The following GGNBP2 variants were observed in gnomAD, a reference collection of about 807,000 sequenced individuals.
GGNBP2 encodes gametogenetin-binding protein 2.
GGNBP2 carries 10 observed loss-of-function variants against 85.9 expected under a neutral mutation model. The ratio of observed to expected loss-of-function variants is 0.12; its 90% CI spans 0.07 to 0.20. The LOEUF is 0.20. Ranked by LOEUF, GGNBP2 falls within the 10% of genes least tolerant of loss-of-function variation. GGNBP2 has a pLI of 1.00. For missense variants in GGNBP2, 595 were observed against 857.8 expected, an observed-to-expected ratio of 0.69 and a Z score of 3.83; for synonymous variants, 287 against 285.7, an observed-to-expected ratio of 1.00 and a Z score of -0.05.
intron 6 of GGNBP2, chr17:36,577,552 T>G (rs147581167): frequency 5.2e-6 from 1 of 190,828 alleles, no homozygotes; most frequent in East Asian, 1.4e-4. Context: ...AAGGTCTCCT[T>G]GCTGAAGAGA....
chr17:36,554,308 CAA>C lies in GGNBP2; in HGVS notation c.94-494_94-493del, dbSNP rs34134532. Among the ~76,000 whole-genome samples the C allele has an allele frequency of 9.8e-3, 580 of 59,326 alleles. 1 individual carries two copies. The highest frequency in any genetic ancestry group is 0.013 in the African/African-American group (179 of 13,496). 38.9% of individuals were successfully genotyped at this position (59,326 alleles called of 152,430 possible). ...TAGGTGACGGAGCAAGACTCCGTCT[CAA>C]AAAAAAAAAAAAAAAAATGGAAACT... On this transcript the variant is annotated intron_variant, in intron 2 of 13. Transcript: ENST00000613102.
chr17:36,551,395 G>T (rs1020133535), intron 2 of GGNBP2, among the ~76,000 whole-genome samples: 2 of 151,626 alleles, frequency 1.3e-5, no homozygotes, highest in Non-Finnish European at 2.9e-5. Flanking sequence ...GTACAGACAG[G>T]GTTTCTCCAT....
Position 36,589,263 on chromosome 17 carries a change from A to G in GGNBP2, c.1946A>G (p.Gln649Arg). The part of the protein sequence containing the change: ...EEIFISQDEI[Q>R]SFMANNQSFY... Reference sequence around the variant, plus strand: ...ATCTTTATCTCACAAGATGAAATACAGTCATTTATGGCTAATAACCAGTCT... The same window carrying G: ...ATCTTTATCTCACAAGATGAAATACGGTCATTTATGGCTAATAACCAGTCT... The change falls in exon 14 of 14, where the codon CAG (glutamine) becomes CGG (arginine). Residue 649 changes from glutamine to arginine, a missense_variant. Physicochemically the swap from Gln to Arg is conservative, Grantham distance 43 (BLOSUM62 1). Coordinates refer to ENST00000613102, the MANE Select transcript of GGNBP2 (RefSeq NM_024835.5). 2 of 1,613,148 alleles carry G rather than the reference A, an allele frequency of 1.2e-6. No individual in the cohort carries two copies. Among genetic ancestry groups the G allele is most frequent in the Non-Finnish European group, 1.7e-6 (2 of 1,179,132 alleles).
At chr17:36,581,023 G>A (rs1027934722) in intron 8 of GGNBP2, among the ~76,000 whole-genome samples, 2 of 152,102 alleles carry the variant, frequency 1.3e-5, no homozygotes, top group African/African-American at 4.8e-5. Context: ...GGTGGCTCAC[G>A]CCTGTAATCC....
intron 2 of GGNBP2, among the ~76,000 whole-genome samples, chr17:36,554,290 C>T (rs190114453): frequency 3.5e-5 from 4 of 112,722 alleles, no homozygotes; most frequent in Admixed American, 1.3e-4. Flanking sequence ...GCCTAGGTGA[C>T]GGAGCAAGAC....
At chr17:36,576,082 A>G (rs2142760136) in intron 6 of GGNBP2, among the ~76,000 whole-genome samples, 1 of 146,694 alleles carries the variant, frequency 6.8e-6, no homozygotes, top group East Asian at 2.2e-4. Flanking sequence ...TGATGCTTGT[A>G]ATCCCAACAC....
At chr17:36,545,471 G>A (rs1464604831) in intron 1 of GGNBP2, 148 bp from the exon 2 acceptor site, 4 of 410,220 alleles carry the variant, frequency 9.8e-6, no homozygotes, top group South Asian at 6.7e-5. Flanking sequence ...CGGCGGCGCT[G>A]GGCGCTGATT....
Position 36,557,199 on chromosome 17 carries a change from G to A in GGNBP2, c.291G>A (p.Glu97=), listed in dbSNP as rs978351782. 5 of 1,613,954 alleles carry A rather than the reference G, an allele frequency of 3.1e-6. No individual in the cohort carries two copies. In the African/African-American group the frequency reaches 6.7e-5, roughly 22 times the overall value. ...GTGTTGGTTGTCGTCGCAGTGTGGA[G>A]CGTCTCTTTTCCCAGCTTGTAGAGT... is the stretch of plus-strand genomic sequence containing the variant. ...VPCVGCRRSV[E]RLFSQLVESG... is the part of the protein sequence containing the mutation. The change falls in exon 4 of 14, where the codon GAG becomes GAA. Residue 97 remains glutamate, a synonymous_variant. Transcript: ENST00000613102.
At chr17:36,581,711 A>G (rs1052995623) in intron 9 of GGNBP2, 173 bp downstream of exon 9, 2 of 397,928 alleles carry the variant, frequency 5.0e-6, no homozygotes, top group Admixed American at 4.4e-5. Context: ...TGAGATCTCT[A>G]TCTCTATTTA....
intron 5 of GGNBP2, among the ~76,000 whole-genome samples, chr17:36,561,079 A>AT (rs1227934364): frequency 2.0e-5 from 3 of 151,710 alleles, no homozygotes; most frequent in African/African-American, 4.8e-5. Context: ...ATTTAAAAAA[A>AT]TTTTTTTATG....
chr17:36,562,762 C>T (rs1187128571), intron 5 of GGNBP2, among the ~76,000 whole-genome samples: 2 of 149,156 alleles, frequency 1.3e-5, no homozygotes, highest in East Asian at 2.0e-4. Flanking sequence ...GTCAGGAGTT[C>T]GAGACCAGCC....
At chr17:36,566,680 C>CAA (rs60798466) in intron 5 of GGNBP2, among the ~76,000 whole-genome samples, 7 of 134,850 alleles carry the variant, frequency 5.2e-5, no homozygotes, top group African/African-American at 1.6e-4. Flanking sequence ...GAATCTGTCT[C>CAA]AAAAAAAAAA....
chr17:36,575,648 A>ATATATATATTTT (rs374366757), intron 6 of GGNBP2, among the ~76,000 whole-genome samples: 12 of 54,910 alleles, frequency 2.2e-4, no homozygotes, highest in East Asian at 1.3e-3. Context: ...ATATATATAT[A>ATATATATATTTT]TTTTTTTTTT....
chr17:36,565,150 G>A (rs1234932418), intron 5 of GGNBP2, among the ~76,000 whole-genome samples: 1 of 152,142 alleles, frequency 6.6e-6, no homozygotes, highest in Non-Finnish European at 1.5e-5. Context: ...TATTAAATGC[G>A]GCCAAGTTAT....
At chr17:36,564,823 T>C (rs909649305) in intron 5 of GGNBP2, among the ~76,000 whole-genome samples, 1 of 152,168 alleles carries the variant, frequency 6.6e-6, no homozygotes, top group Non-Finnish European at 1.5e-5. Flanking sequence ...ATAATACAGT[T>C]GATTAGGTTT....
chr17:36,571,198 C>G (rs1555606747), intron 6 of GGNBP2, among the ~76,000 whole-genome samples: 2 of 152,108 alleles, frequency 1.3e-5, no homozygotes, highest in African/African-American at 4.8e-5. Flanking sequence ...TTTGGGAAGC[C>G]AAGGCAGGAG....
chr17:36,579,169 C>G, intron 7 of GGNBP2, 76 bp from the exon 8 acceptor site: 1 of 1,288,474 alleles, frequency 7.8e-7, no homozygotes, highest in Non-Finnish European at 1.1e-6. Context: ...TGTTTAAAAC[C>G]TGAACTTGCA....
chr17:36,553,021 C>CAA (rs56946600), intron 2 of GGNBP2, among the ~76,000 whole-genome samples: 25,841 of 75,932 alleles, frequency 0.34, 4,390 homozygotes, highest in Non-Finnish European at 0.42. Context: ...GACTCTGTCT[C>CAA]AAAAAAAAAA....
intron 5 of GGNBP2, among the ~76,000 whole-genome samples, chr17:36,563,722 A>G (rs1362947458): frequency 6.8e-6 from 1 of 147,356 alleles, no homozygotes; most frequent in Non-Finnish European, 1.5e-5. Flanking sequence ...ATTTGTCAGT[A>G]TCTTTTTTTT....
Sources: gnomAD v4.1 joint callset for allele counts (sites outside exome capture counted in the v4.1 genomes callset) on GRCh38, gnomAD v4.1.1 for gene constraint, MANE v1.5 for transcripts, NCBI Gene and HGNC (gene_info 2026-07-23, HGNC 2026-07-21) for gene names.